Variants in PCSK7 observed in about 807,000 individuals in gnomAD.
PCSK7 encodes lymphoma proprotein convertase.
PCSK7 carries 38 observed loss-of-function variants against 73.3 expected under a neutral mutation model. The ratio of observed to expected loss-of-function variants is 0.52; its 90% CI spans 0.40 to 0.68. The LOEUF (loss-of-function observed/expected upper bound fraction) is 0.68, where lower values mean the gene tolerates loss of function less well. Among genes scored for constraint, PCSK7 ranks in the 30% least tolerant of loss-of-function variants. The probability of loss-of-function intolerance (pLI) is 0.00; values close to 1 mark genes in which losing one functional copy is unlikely to be tolerated. For synonymous variants in PCSK7, 296 were observed against 383.8 expected, an observed-to-expected ratio of 0.77 and a Z score of 2.68; for missense variants, 692 against 991.5, an observed-to-expected ratio of 0.70 and a Z score of 4.06.
In PCSK7 at chr11:117,224,142, T is replaced by C. The variant is rs1360060756; in HGVS notation, c.990A>G (p.Gly330=). ...AGTTGCAGTTGTCGTTGTGTTGGCC[T>C]CCGTTGCCACTGGCTACCACAAAGA... ...GSIFVVASGN[G]GQHNDNCNYD... The change falls in exon 8 of 17, where the codon GGA becomes GGG. Residue 330 remains glycine (G), a synonymous_variant. Transcript: ENST00000320934. The C allele has an allele frequency of 8.7e-6, 14 of 1,613,992 alleles. No homozygotes were observed. The highest frequency in any genetic ancestry group is 1.2e-5 in the Non-Finnish European group (14 of 1,179,974).
intron 12 of PCSK7, chr11:117,214,227 G>C (rs2031867140): frequency 6.6e-6 from 1 of 152,072 alleles, no homozygotes; most frequent in Admixed American, 6.6e-5. Flanking sequence ...AAAGTGCTGT[G>C]ATTACAGGCG....
At chr11:117,219,332 T>C in intron 10 of PCSK7, 168 bp from the exon 11 acceptor site, 1 of 642,400 alleles carries the variant, frequency 1.6e-6, no homozygotes, top group South Asian at 1.9e-5. Context: ...TCAAAGCCCA[T>C]GATGTCACCA....
At chr11:117,227,084 G>C in intron 5 of PCSK7, 73 bp downstream of exon 5, 2 of 1,215,480 alleles carry the variant, frequency 1.6e-6, no homozygotes, top group East Asian at 2.3e-5. Context: ...TTTCAGAGTA[G>C]GGAGGGGTGC....
At position 117,218,513 on chromosome 11, in the gene PCSK7, T is replaced by C. The variant is rs748746917; in HGVS notation, c.1487A>G (p.Asn496Ser). The change falls in exon 12 of 17, where the codon AAC becomes AGC. Residue 496 changes from asparagine (N) to serine (S), a missense_variant. Asn to Ser is a conservative substitution (Grantham distance 46). This residue lies in a region of PCSK7 where 574 missense variants were observed against 689.8 expected (regional missense o/e 0.83). Coordinates refer to ENST00000320934, the MANE Select transcript of PCSK7 (RefSeq NM_004716.4). The surrounding 1 kb of genome is among the most constrained non-coding windows in gnomAD (Gnocchi z 4.0). ...ASYVSPVLKENKAIPQSPRSL... is the reference protein window; with the variant it reads ...ASYVSPVLKESKAIPQSPRSL... ...ACGGGGGGACTGCGGAATCGCCTTG[T>C]TTTCTTTTAACACGGGACTGACGTA... 6.2e-7 allele frequency: 1 copy of C among 1,610,754 alleles called. No homozygotes were observed. The highest frequency in any genetic ancestry group is 1.7e-5 in the Admixed American group (1 of 59,602).
chr11:117,231,435 TCTA>T (rs1334288335), intron 1 of PCSK7, among the ~76,000 whole-genome samples: 3 of 152,140 alleles, frequency 2.0e-5, no homozygotes, highest in African/African-American at 7.2e-5. Context: ...GTCTGCATAC[TCTA>T]CTAAGTAAAC....
intron 6 of PCSK7, 66 bp downstream of exon 6, chr11:117,225,865 A>C: frequency 1.9e-6 from 2 of 1,043,296 alleles, no homozygotes; most frequent in Non-Finnish European, 3.0e-6. Context: ...ACTGGTTGGG[A>C]TTTTGTTGGC....
Position 117,218,785 on chromosome 11 carries a change from A to G in PCSK7, c.1432-217T>C. ...GGAACCAGAGGAAACAGCTGTGTCC[A>G]GGGTGGAGGAGGGGAACCAGAGCAT... is the stretch of plus-strand genomic sequence containing the variant. On this transcript the variant is annotated intron_variant, in intron 11 of 16. Coordinates refer to ENST00000320934, the MANE Select transcript of PCSK7 (RefSeq NM_004716.4). The surrounding 1 kb of genome is among the most constrained non-coding windows in gnomAD (Gnocchi z 4.0). 1 of 568,008 alleles carries G rather than the reference A, an allele frequency of 1.8e-6. No individual in the cohort carries two copies. Among genetic ancestry groups the G allele is most frequent in the Non-Finnish European group, 3.1e-6 (1 of 318,376 alleles). The allele number at this position is 568,008 out of a possible 1,614,324, so 35.2% of individuals were successfully genotyped here.
chr11:117,212,723 T>G (rs1352625858), intron 12 of PCSK7: 1 of 149,418 alleles, frequency 6.7e-6, no homozygotes, highest in Non-Finnish European at 1.5e-5. Flanking sequence ...TTCTTTTTTT[T>G]TTTTTTTTTG....
chr11:117,211,705 T>C (rs2031736315), intron 12 of PCSK7: 1 of 152,282 alleles, frequency 6.6e-6, no homozygotes, highest in African/African-American at 2.4e-5. Context: ...TGCTAGCACC[T>C]TTCCTACTAC....
rs776329482 is a variant in PCSK7, at chr11:117,227,267, G to A, written c.659C>T (p.Pro220Leu). 8 of 1,612,944 alleles carry A rather than the reference G, an allele frequency of 5.0e-6. No individual in the cohort carries two copies. Among genetic ancestry groups the A allele is most frequent in the South Asian group, 2.2e-5 (2 of 91,058 alleles). The change falls in exon 5 of 17, where the codon CCG becomes CTG. Residue 220 changes from proline (P) to leucine (L), a missense_variant. Around this residue, in one of 6 missense-constraint regions of PCSK7, gnomAD observed 574 missense variants for 689.8 expected, o/e 0.83. Coordinates refer to ENST00000320934, the MANE Select transcript of PCSK7 (RefSeq NM_004716.4). ...NSNDPDPMPH[P>L]DVENGNHHGT... is the part of the protein sequence containing the mutation. ...ATGGTGGTTGCCATTCTCCACATCC[G>A]GGTGGGGCATGGGGTCAGGGTCATT...
At chr11:117,209,491 C>T in intron 12 of PCSK7, 1 of 182,888 alleles carries the variant, frequency 5.5e-6, no homozygotes, top group Non-Finnish European at 1.1e-5. Context: ...GGTTTAGGCA[C>T]ACAGCAGTGA....
At chr11:117,226,072 G>A (rs765240566) in intron 5 of PCSK7, 51 bp from the exon 6 acceptor site, 35 of 1,023,992 alleles carry the variant, frequency 3.4e-5, no homozygotes, top group South Asian at 6.3e-5. Context: ...TCTCCTAGCC[G>A]GGGAACTGGG....
At chr11:117,230,736 T>C (rs958753474) in intron 1 of PCSK7, among the ~76,000 whole-genome samples, 5 of 152,168 alleles carry the variant, frequency 3.3e-5, no homozygotes, top group Admixed American at 3.3e-4. Context: ...AAAATGCCTC[T>C]TGAAAGAGTA....
At chr11:117,206,394 C>A (rs375947908) in intron 16 of PCSK7, 38 bp from the exon 17 acceptor site, 95 of 1,578,898 alleles carry the variant, frequency 6.0e-5, no homozygotes, top group Non-Finnish European at 8.0e-5. Context: ...GGCACTGTTT[C>A]CCGAAGCCTA....
intron 12 of PCSK7, chr11:117,210,356 G>A (rs915155404): frequency 7.0e-6 from 1 of 142,688 alleles, no homozygotes; most frequent in African/African-American, 2.8e-5. Context: ...TAATGAGAAC[G>A]ATTCTTTTTT....
rs766573529 is a variant in PCSK7, at chr11:117,219,086, T to C, written c.1402A>G (p.Asn468Asp). The change falls in exon 11 of 17, where the codon AAC (asparagine) becomes GAC (aspartate). Residue 468 changes from asparagine to aspartate, a missense_variant. Asn to Asp is a conservative substitution (Grantham distance 23). Transcript: ENST00000320934. ...GCTGCATTCACGAGCCTCCAGGCGT[T>C]GAGGAGGCCGAAACCGTGCTGGTGG... ...HSHQHGFGLL[N>D]AWRLVNAAKI... 3.1e-5 allele frequency: 50 copies of C among 1,610,146 alleles called. No homozygotes were observed. Among genetic ancestry groups the C allele is most frequent in the Non-Finnish European group, 3.9e-5 (46 of 1,179,640 alleles).
rs2032511407 is a variant in PCSK7, at chr11:117,228,358, A to G, written c.469-8T>C. ...CGGGCTCCGTCGGTTATTCTGTAAGAGAGACAGGATGGGAATACAGTGACA... is the reference window on the plus strand; with the variant it reads ...CGGGCTCCGTCGGTTATTCTGTAAGGGAGACAGGATGGGAATACAGTGACA... On this transcript the variant is annotated splice_region_variant and splice_polypyrimidine_tract_variant and intron_variant, in intron 3 of 16. Transcript: ENST00000320934. 1 of 1,613,422 alleles carries G rather than the reference A, an allele frequency of 6.2e-7. No individual in the cohort carries two copies. Among genetic ancestry groups the G allele is most frequent in the African/African-American group, 1.3e-5 (1 of 74,892 alleles).
At chr11:117,230,988 C>G (rs185843992) in intron 1 of PCSK7, 1 of 151,316 alleles carries the variant, frequency 6.6e-6, no homozygotes, top group East Asian at 1.9e-4. Flanking sequence ...AAGGTGAGGA[C>G]TCAGACTCCA....
At chr11:117,215,364 T>TTTTG (rs57433360) in intron 12 of PCSK7, 3 of 84,902 alleles carry the variant, frequency 3.5e-5, no homozygotes, top group Non-Finnish European at 4.0e-5. Context: ...CCTGGCTAAT[T>TTTTG]TGTGTGTGTG....
Sources: gnomAD v4.1 joint callset for allele counts (sites outside exome capture counted in the v4.1 genomes callset) on GRCh38, gnomAD v4.1.1 for gene constraint, gnomAD v4.1.1 regional missense constraint, Gnocchi (gnomAD v3.1) non-coding constraint, MANE v1.5 for transcripts, NCBI Gene and HGNC (gene_info 2026-07-23, HGNC 2026-07-21) for gene names.